The following PIP5K1C variants were observed in gnomAD, a reference collection of about 807,000 sequenced individuals.
PIP5K1C encodes the protein phosphatidylinositol 4-phosphate 5-kinase type-1 gamma.
In PIP5K1C, 45 loss-of-function variants were observed where a neutral mutation model predicts 80.1. That is an observed-to-expected ratio of 0.56 (90% confidence interval 0.44 to 0.72). The LOEUF is 0.72. PIP5K1C is among the 30% of genes least tolerant of loss of function. PIP5K1C has a pLI of 0.00. For missense variants in PIP5K1C, 753 were observed against 954.6 expected (o/e 0.79, Z 2.78); for synonymous variants, 498 against 420.1 (o/e 1.19, Z -2.27).
intron 1 of PIP5K1C, among the ~76,000 whole-genome samples, chr19:3,697,519 G>C (rs552922357): frequency 6.6e-6 from 1 of 152,256 alleles, no homozygotes; most frequent in Non-Finnish European, 1.5e-5. Context: ...GACCAAGCTG[G>C]ACCCGGGAGG....
At chr19:3,647,198 A>T in intron 10 of PIP5K1C, 140 bp downstream of exon 10, 2 of 656,360 alleles carry the variant, frequency 3.0e-6, no homozygotes, top group Non-Finnish European at 5.0e-6. Context: ...GCAGGCACTC[A>T]CAGGAGGAGG....
Position 3,630,884 on chromosome 19 carries a change from T to C in PIP5K1C, c.*2283A>G, listed in dbSNP as rs2033450006. 1 of 152,080 alleles carries C rather than the reference T, an allele frequency of 6.6e-6. No individual in the cohort carries two copies. Among genetic ancestry groups the C allele is most frequent in the South Asian group, 2.1e-4 (1 of 4,828 alleles). The allele number at this position is 152,080 out of a possible 1,614,324, so 9.4% of individuals were successfully genotyped here. A position where few individuals can be genotyped will look rare whatever the true frequency, so the allele number is the denominator to read the frequency against. On this transcript the variant is annotated 3_prime_UTR_variant, in exon 18 of 18. Transcript: ENST00000335312. ...GTCCAGCAGCCTCCCTCGCGGGGGA[T>C]CTGAGGGAGACCGAGTTCGCTAAAT...
chr19:3,697,419 G>A (rs1482876232), intron 1 of PIP5K1C, among the ~76,000 whole-genome samples: 2 of 150,414 alleles, frequency 1.3e-5, no homozygotes, highest in Non-Finnish European at 3.0e-5. Flanking sequence ...TACTCAGCCA[G>A]ACGGAGGAGG....
intron 1 of PIP5K1C, among the ~76,000 whole-genome samples, chr19:3,677,768 A>AC (rs2035411043): frequency 2.6e-5 from 2 of 75,566 alleles, no homozygotes; most frequent in Admixed American, 1.2e-4. Flanking sequence ...TGGAGGATGG[A>AC]GGATGGAGGG....
rs146231462 is a variant in PIP5K1C, at chr19:3,690,269, A to G, written c.94+10028T>C. ...CCCAGCACATCGAGAAGCCAAGGCA[A>G]GAGGATCACTTGAGGCCAGGAGCTC... On this transcript the variant is annotated intron_variant, in intron 1 of 17. Transcript: ENST00000335312. 2.8e-3 allele frequency among the ~76,000 whole-genome samples: 426 copies of G among 152,202 alleles called. 2 individuals carry two copies. Among genetic ancestry groups the G allele is most frequent in the Non-Finnish European group, 4.8e-3 (325 of 68,002 alleles).
intron 1 of PIP5K1C, among the ~76,000 whole-genome samples, chr19:3,691,341 C>CTGGGGA (rs2035943347): frequency 6.6e-6 from 1 of 152,186 alleles, no homozygotes; most frequent in African/African-American, 2.4e-5. Context: ...CCTCGCTAAT[C>CTGGGGA]TGGGGATGAC....
intron 1 of PIP5K1C, among the ~76,000 whole-genome samples, chr19:3,697,464 A>AGGAGGACCGAGCTGGACCGG (rs1224441295): frequency 3.0e-4 from 45 of 147,950 alleles, no homozygotes; most frequent in Non-Finnish European, 4.2e-4. Context: ...AGCTGGACCG[A>AGGAGGACCGAGCTGGACCGG]GGAGGACCGA....
At position 3,693,605 on chromosome 19, in the gene PIP5K1C, C is replaced by T. The variant is rs552993375; in HGVS notation, c.94+6692G>A. 5.3e-5 allele frequency among the ~76,000 whole-genome samples: 8 copies of T among 152,346 alleles called. No homozygotes were observed. The East Asian group carries it at 1.2e-3, about 22-fold the overall frequency. On this transcript the variant is annotated intron_variant, in intron 1 of 17. Coordinates refer to ENST00000335312, the MANE Select transcript of PIP5K1C (RefSeq NM_012398.3). The stretch of plus-strand genomic sequence containing the variant: ...GCAGGCGGCAGGGAGGCCTGGGCCC[C>T]GCTCCTCGTTCACAGCCCCACCCTG...
At chr19:3,653,663 T>C in intron 6 of PIP5K1C, 74 bp from the exon 7 acceptor site, 2 of 1,390,956 alleles carry the variant, frequency 1.4e-6, no homozygotes, top group Non-Finnish European at 2.0e-6. Flanking sequence ...AGCAGGCCTC[T>C]GCCTCAGGGG....
In PIP5K1C at chr19:3,692,177, G is replaced by A. The variant is rs545248777; in HGVS notation, c.94+8120C>T. 8.5e-5 allele frequency among the ~76,000 whole-genome samples: 13 copies of A among 152,316 alleles called. No homozygotes were observed. In the South Asian group the frequency reaches 2.7e-3, roughly 32 times the overall value. ...CAAGGGACATTGCTTTCCAAATGAG[G>A]AAACTGAGGCACGGAGCGGCTGGGC... On this transcript the variant is annotated intron_variant, in intron 1 of 17. Transcript: ENST00000335312. This position sits in a 1 kb window ranked among gnomAD's most constrained non-coding sequence, Gnocchi z 5.2.
Position 3,653,370 on chromosome 19 carries a change from T to C in PIP5K1C, c.841A>G (p.Met281Val). The change falls in exon 7 of 18, where the codon ATG becomes GTG. Residue 281 changes from methionine (M) to valine (V), a missense_variant. Met to Val is a conservative substitution (Grantham distance 21). This residue lies in a region of PIP5K1C where 105 missense variants were observed against 133.4 expected (regional missense o/e 0.79). Coordinates refer to ENST00000335312, the MANE Select transcript of PIP5K1C (RefSeq NM_012398.3). ...AGGAGCCCCTCGGGCATGTCCTGCA[T>C]GAAGTCCAGGTCCTTGTAGGTGGGG... Reference protein sequence around the residue: ...SFPTYKDLDFMQDMPEGLLLD... With the variant: ...SFPTYKDLDFVQDMPEGLLLD... 5 of 1,612,680 alleles carry C rather than the reference T, an allele frequency of 3.1e-6. No individual in the cohort carries two copies. Among genetic ancestry groups the C allele is most frequent in the Non-Finnish European group, 4.2e-6 (5 of 1,180,000 alleles).
intron 1 of PIP5K1C, among the ~76,000 whole-genome samples, chr19:3,670,584 C>T (rs867290676): frequency 2.0e-5 from 3 of 152,386 alleles, no homozygotes; most frequent in South Asian, 2.1e-4. Context: ...CTGTTCAAGG[C>T]CTGCTGCTCC....
chr19:3,648,769 G>A lies in PIP5K1C; in HGVS notation c.1128-61C>T. The A allele has an allele frequency of 6.8e-7, 1 of 1,461,074 alleles. No homozygotes were observed. The highest frequency in any genetic ancestry group is 9.6e-7 in the Non-Finnish European group (1 of 1,043,886). The allele number at this position is 1,461,074 out of a possible 1,614,324, so 90.5% of individuals were successfully genotyped here. ...GCAGAGCTGGGACTCGGGGCAGGCGGGGCTGGGGACTCCAGGGCTAGGGAG... is the reference window on the plus strand; with the variant it reads ...GCAGAGCTGGGACTCGGGGCAGGCGAGGCTGGGGACTCCAGGGCTAGGGAG... On this transcript the variant is annotated intron_variant, in intron 8 of 17. Transcript: ENST00000335312. The surrounding 1 kb of genome is among the most constrained non-coding windows in gnomAD (Gnocchi z 4.3).
chr19:3,699,850 T>A (rs969176043), intron 1 of PIP5K1C, among the ~76,000 whole-genome samples: 1 of 152,178 alleles, frequency 6.6e-6, no homozygotes, highest in Non-Finnish European at 1.5e-5. Flanking sequence ...CCCCTCATTT[T>A]AGCAGGGAGG....
chr19:3,645,884 C>T (rs2145415963), intron 11 of PIP5K1C, 90 bp downstream of exon 11: 2 of 970,506 alleles, frequency 2.1e-6, no homozygotes, highest in East Asian at 2.4e-5. Flanking sequence ...GCCCAGGGGG[C>T]TCTCGGCCTC....
rs566769569 is a variant in PIP5K1C at position 3,683,960 on chromosome 19, C to T, written c.94+16337G>A. ...CACGCTGGAGCCCCCGCTTCCTCTC[C>T]CGGGCAGTCCCACACCTCCCCCATG... On this transcript the variant is annotated intron_variant, in intron 1 of 17. Coordinates refer to ENST00000335312, the MANE Select transcript of PIP5K1C (RefSeq NM_012398.3). Among the ~76,000 whole-genome samples, 89 of 150,576 alleles carry T rather than the reference C, an allele frequency of 5.9e-4. 1 individual carries two copies. The highest frequency in any genetic ancestry group is 2.1e-3 in the African/African-American group (88 of 40,964).
intron 5 of PIP5K1C, among the ~76,000 whole-genome samples, chr19:3,659,793 G>T (rs2034768916): frequency 6.6e-6 from 1 of 152,192 alleles, no homozygotes. Flanking sequence ...CGCAGCCTCG[G>T]GCGCTTCCTA....
Position 3,633,239 on chromosome 19 carries a change from G to T in PIP5K1C, c.2005-70C>A. On this transcript the variant is annotated intron_variant, in intron 17 of 17. Coordinates refer to ENST00000335312, the MANE Select transcript of PIP5K1C (RefSeq NM_012398.3). ...CACCCCAGGCCCCCTGCCAGGGACT[G>T]GCTTCCTTGGGCCAACACAGGCCCT... The T allele has an allele frequency of 4.2e-6, 3 of 718,620 alleles. No homozygotes were observed. In the East Asian group the frequency reaches 7.8e-5, roughly 19 times the overall value. 44.5% of individuals were successfully genotyped at this position (718,620 alleles called of 1,614,324 possible).
In PIP5K1C at chr19:3,633,471, T is replaced by A. The variant is rs1338467768; in HGVS notation, c.1970A>T (p.Gln657Leu). 2 of 1,512,224 alleles carry A rather than the reference T, an allele frequency of 1.3e-6. No homozygotes were observed. The highest frequency in any genetic ancestry group is 2.3e-5 in the East Asian group (1 of 43,082). 93.7% of individuals were successfully genotyped at this position (1,512,224 alleles called of 1,614,324 possible). Residue 657 changes from glutamine to leucine, a missense_variant, in exon 17 of 18, where the codon CAG (glutamine) becomes CTG (leucine). Around this residue, in one of 6 missense-constraint regions of PIP5K1C, gnomAD observed 315 missense variants for 294.5 expected, o/e 1.07. Coordinates refer to ENST00000335312, the MANE Select transcript of PIP5K1C (RefSeq NM_012398.3). Reference protein sequence around the residue: ...WVYSPLHYSAQAPPASDGESD... With the variant: ...WVYSPLHYSALAPPASDGESD... ...CTCGCCGTCGGAGGCCGGGGGGGCC[T>A]GGGCGCTATAGTGGAGCGGGGAGTA...
Sources: allele counts gnomAD v4.1 joint callset (sites outside exome capture counted in the v4.1 genomes callset), GRCh38; gene constraint gnomAD v4.1.1; regional missense constraint gnomAD v4.1.1; non-coding constraint Gnocchi (gnomAD v3.1); transcripts MANE v1.5; gene names NCBI Gene and HGNC (gene_info 2026-07-23, HGNC 2026-07-21).